Variants in RC3H1 observed in about 807,000 individuals in gnomAD.
RC3H1 encodes ring finger and CCCH-type domains 1, also known as roquin-1.
Under a neutral mutation model 138.2 loss-of-function variants are expected in RC3H1, and 50 were observed. That is an observed-to-expected ratio of 0.36 (90% CI 0.29 to 0.46). The LOEUF is 0.46. Among genes scored for constraint, RC3H1 ranks in the 20% least tolerant of loss-of-function variants. The pLI is 1.00. For synonymous variants in RC3H1, 462 were observed against 489.1 expected (o/e 0.94, Z 0.73); for missense variants, 1,031 against 1,388.1 (o/e 0.74, Z 4.09).
At chr1:173,965,360 C>T (rs1300401813) in intron 9 of RC3H1, among the ~76,000 whole-genome samples, 3 of 151,744 alleles carry the variant, frequency 2.0e-5, no homozygotes, top group Non-Finnish European at 2.9e-5. Flanking sequence ...TTTGGGAGGC[C>T]GAGGCAGGCG....
Position 173,978,478 on chromosome 1 carries a change from G to A in RC3H1, c.1102+10C>T, listed in dbSNP as rs377429362. 26 of 1,612,390 alleles carry A rather than the reference G, an allele frequency of 1.6e-5. No individual in the cohort carries two copies. The highest frequency in any genetic ancestry group is 3.3e-5 in the South Asian group (3 of 90,714). On this transcript the variant is annotated intron_variant, in intron 7 of 19. Coordinates refer to ENST00000367696, the MANE Select transcript of RC3H1 (RefSeq NM_172071.4). ...ATATAAGATAGTCCATTAATTTCCC[G>A]TGGGTTTACCTGGACTAGGGTCAAT...
chr1:173,993,856 C>G (rs1661391714), intron 1 of RC3H1, among the ~76,000 whole-genome samples: 1 of 150,692 alleles, frequency 6.6e-6, no homozygotes, highest in African/African-American at 2.4e-5. Context: ...CCCATGTCCA[C>G]TAAAAATACA....
At chr1:173,987,833 G>A (rs943740716) in intron 2 of RC3H1, among the ~76,000 whole-genome samples, 8 of 151,862 alleles carry the variant, frequency 5.3e-5, no homozygotes, top group Non-Finnish European at 1.0e-4. Flanking sequence ...AGTTCATACT[G>A]ATGCCTCCAA....
rs1404684561 is a variant in RC3H1, at chr1:173,961,892, G to A, written c.2035C>T (p.Pro679Ser). 6.2e-7 allele frequency: 1 copy of A among 1,614,158 alleles called. No individual in the cohort carries two copies. The highest frequency in any genetic ancestry group is 8.5e-7 in the Non-Finnish European group (1 of 1,180,024). The change falls in exon 12 of 20, where the codon CCG (proline) becomes TCG (serine). Residue 679 changes from proline (P) to serine (S), a missense_variant. Transcript: ENST00000367696. ...AATATCTCTTCTCTTGTGTAAGACG[G>A]AGCAGGGTACACTCGACGGCCATCA... ...HYDGRRVYPA[P>S]SYTREEIFRE... is the part of the protein sequence containing the mutation.
At chr1:174,011,794 T>C (rs980100080) in intron 1 of RC3H1, among the ~76,000 whole-genome samples, 2 of 152,186 alleles carry the variant, frequency 1.3e-5, no homozygotes, top group Non-Finnish European at 2.9e-5. Flanking sequence ...AAAGTGTAGT[T>C]TGAATAGAAT....
At chr1:173,939,444 T>C (rs1326600080) in intron 19 of RC3H1, among the ~76,000 whole-genome samples, 1 of 141,084 alleles carries the variant, frequency 7.1e-6, no homozygotes, top group Non-Finnish European at 1.5e-5. Flanking sequence ...GGCACAAGAA[T>C]CACTTGAACC....
intron 17 of RC3H1, among the ~76,000 whole-genome samples, chr1:173,945,211 C>T (rs964046793): frequency 6.6e-6 from 1 of 151,592 alleles, no homozygotes; most frequent in African/African-American, 2.4e-5. Context: ...GCAGCCTCAA[C>T]CTCCCTGGGC....
intron 6 of RC3H1, among the ~76,000 whole-genome samples, chr1:173,979,502 G>A (rs1312012754): frequency 2.0e-5 from 3 of 152,012 alleles, no homozygotes; most frequent in Non-Finnish European, 4.4e-5. Flanking sequence ...AAAAAATTTG[G>A]GCGTGGTACA....
chr1:173,978,654 T>C lies in RC3H1; in HGVS notation c.970-34A>G, dbSNP rs767354292. 33 of 1,584,122 alleles carry C rather than the reference T, an allele frequency of 2.1e-5. 1 individual carries two copies. In the South Asian group the frequency reaches 3.6e-4, roughly 17 times the overall value. ...AGATAAATGTTAACTTTCCCAAAGGTCAGATAATCCTTTAAATATAAAGAT... is the reference window on the plus strand; with the variant it reads ...AGATAAATGTTAACTTTCCCAAAGGCCAGATAATCCTTTAAATATAAAGAT... On this transcript the variant is annotated intron_variant, in intron 6 of 19. Transcript: ENST00000367696.
chr1:173,950,905 A>T (rs1659367463), intron 14 of RC3H1, among the ~76,000 whole-genome samples: 2 of 151,924 alleles, frequency 1.3e-5, no homozygotes, highest in South Asian at 4.2e-4. Flanking sequence ...GTGTGGTAGC[A>T]AGCACCTGTA....
intron 17 of RC3H1, 130 bp from the exon 18 acceptor site, chr1:173,943,745 TG>T: frequency 3.8e-6 from 3 of 783,386 alleles, no homozygotes; most frequent in Non-Finnish European, 5.7e-6. Context: ...ATAATGCAAC[TG>T]TAAGGTGCTG....
intron 14 of RC3H1, among the ~76,000 whole-genome samples, chr1:173,951,537 G>GA (rs1348876346): frequency 6.6e-5 from 10 of 150,938 alleles, no homozygotes; most frequent in Admixed American, 5.9e-4. Flanking sequence ...TCAGAGCTGT[G>GA]AAAAAAAAAT....
At chr1:174,002,408 C>A (rs1167633399) in intron 1 of RC3H1, among the ~76,000 whole-genome samples, 1 of 152,152 alleles carries the variant, frequency 6.6e-6, no homozygotes, top group African/African-American at 2.4e-5. Context: ...TAAATACTAT[C>A]CTATAGAATC....
intron 6 of RC3H1, among the ~76,000 whole-genome samples, chr1:173,980,544 T>C (rs1660771324): frequency 1.3e-5 from 2 of 152,158 alleles, no homozygotes; most frequent in East Asian, 1.9e-4. Flanking sequence ...CTAAATTAAA[T>C]GTAGAGTGGT....
At chr1:173,941,884 T>C (rs1345169874) in intron 18 of RC3H1, among the ~76,000 whole-genome samples, 1 of 149,552 alleles carries the variant, frequency 6.7e-6, no homozygotes, top group Non-Finnish European at 1.5e-5. Flanking sequence ...TGAGCTGAGA[T>C]TGCACCACTG....
intron 14 of RC3H1, among the ~76,000 whole-genome samples, chr1:173,950,353 C>T (rs1226312484): frequency 2.7e-5 from 4 of 149,024 alleles, no homozygotes; most frequent in East Asian, 2.0e-4. Flanking sequence ...GCAGGAGAAT[C>T]GCTTGAGCCC....
chr1:173,986,195 C>T (rs1320804910), intron 2 of RC3H1, among the ~76,000 whole-genome samples: 1 of 151,978 alleles, frequency 6.6e-6, no homozygotes, highest in African/African-American at 2.4e-5. Flanking sequence ...CTAACAATTT[C>T]CCCTATTATT....
rs545826906 is a variant in RC3H1 at position 173,951,943 on chromosome 1, T to A, written c.2523+43A>T. The A allele has an allele frequency of 1.6e-5, 24 of 1,543,206 alleles. No individual in the cohort carries two copies. In the African/African-American group the frequency reaches 2.1e-4, roughly 13 times the overall value. The stretch of plus-strand genomic sequence containing the variant: ...GGTAATGGGTAAAAATTTATTTGGT[T>A]TATCTTAATTTGTATTAATTATTGC... On this transcript the variant is annotated intron_variant, in intron 14 of 19. Transcript: ENST00000367696.
chr1:173,991,141 A>G (rs1350088413), intron 2 of RC3H1, among the ~76,000 whole-genome samples: 3 of 152,192 alleles, frequency 2.0e-5, no homozygotes, highest in Non-Finnish European at 2.9e-5. Flanking sequence ...AAGGCATGAG[A>G]ATCACTTGAA....
Sources: gnomAD v4.1 joint callset for allele counts (sites outside exome capture counted in the v4.1 genomes callset) on GRCh38, gnomAD v4.1.1 for gene constraint, MANE v1.5 for transcripts, NCBI Gene and HGNC (gene_info 2026-07-23, HGNC 2026-07-21) for gene names.